Variants in LRP1B observed in about 807,000 individuals in gnomAD.
LRP1B encodes the protein low-density lipoprotein receptor-related protein 1B.
Under a neutral mutation model 556.6 loss-of-function variants are expected in LRP1B, and 217 were observed. The observed-to-expected ratio is 0.39, with a 90% CI of 0.35 to 0.44. LRP1B has a LOEUF of 0.44. LRP1B is among the 20% of genes least tolerant of loss of function. LRP1B has a pLI of 1.00. For missense variants in LRP1B, 5,053 were observed against 5,620.8 expected, an observed-to-expected ratio of 0.90 and a Z score of 3.23; for synonymous variants, 2,047 against 1,865.8, an observed-to-expected ratio of 1.10 and a Z score of -2.50.
At chr2:140,250,801 C>A (rs1048090859) in intron 86 of LRP1B, among the ~76,000 whole-genome samples, 2 of 151,664 alleles carry the variant, frequency 1.3e-5, no homozygotes, top group Admixed American at 6.6e-5. Context: ...AGTCACACTT[C>A]AAGAAATATT....
intron 1 of LRP1B, among the ~76,000 whole-genome samples, chr2:141,946,876 A>G (rs1164989718): frequency 6.6e-6 from 1 of 152,186 alleles, no homozygotes; most frequent in Non-Finnish European, 1.5e-5. Context: ...GATATGGTAA[A>G]AATTATAAGG....
At chr2:141,779,168 G>A (rs974524071) in intron 2 of LRP1B, among the ~76,000 whole-genome samples, 1 of 152,060 alleles carries the variant, frequency 6.6e-6, no homozygotes, top group Non-Finnish European at 1.5e-5. Context: ...TATTTATGTG[G>A]ATTAATTCCT....
chr2:141,011,903 T>G (rs972244443), intron 14 of LRP1B, among the ~76,000 whole-genome samples: 1 of 152,022 alleles, frequency 6.6e-6, no homozygotes, highest in East Asian at 1.9e-4. Flanking sequence ...TTATTTAAAA[T>G]GCCTATATGT....
At chr2:141,424,002 C>T (rs1322477763) in intron 3 of LRP1B, among the ~76,000 whole-genome samples, 1 of 151,800 alleles carries the variant, frequency 6.6e-6, no homozygotes, top group South Asian at 2.1e-4. Flanking sequence ...ACATATGATT[C>T]AGTTAAAAGA....
chr2:142,061,067 A>T (rs1704888652), intron 1 of LRP1B, among the ~76,000 whole-genome samples: 1 of 151,966 alleles, frequency 6.6e-6, no homozygotes, highest in Admixed American at 6.6e-5. Flanking sequence ...CATGAAACAG[A>T]TATGGAAAGA....
At chr2:140,712,005 C>T (rs191675972) in intron 37 of LRP1B, among the ~76,000 whole-genome samples, 54 of 152,236 alleles carry the variant, frequency 3.5e-4, no homozygotes, top group African/African-American at 1.3e-3. Flanking sequence ...TAATGGACAC[C>T]GTCTGTGCTC....
At chr2:141,865,966 G>A (rs1416861823) in intron 1 of LRP1B, among the ~76,000 whole-genome samples, 1 of 152,188 alleles carries the variant, frequency 6.6e-6, no homozygotes, top group Non-Finnish European at 1.5e-5. Flanking sequence ...AGGTGTAAAT[G>A]CAAAACTTTC....
Position 141,300,649 on chromosome 2 carries a change from C to T in LRP1B, c.344-46008G>A, listed in dbSNP as rs188301273. ...CTAAAGTAAGTTCTTATGAGATTTGCTTGTTTCAGAGTATGCAGCATTCCC... is the reference window on the plus strand; with the variant it reads ...CTAAAGTAAGTTCTTATGAGATTTGTTTGTTTCAGAGTATGCAGCATTCCC... On this transcript the variant is annotated intron_variant, in intron 3 of 90. Transcript: ENST00000389484. Among the ~76,000 whole-genome samples, 633 of 152,168 alleles carry T rather than the reference C, an allele frequency of 4.2e-3. 5 individuals carry two copies. Among genetic ancestry groups the T allele is most frequent in the African/African-American group, 0.014 (576 of 41,508 alleles).
chr2:140,545,075 T>C (rs1237412624), intron 43 of LRP1B, among the ~76,000 whole-genome samples: 3 of 152,166 alleles, frequency 2.0e-5, no homozygotes, highest in Non-Finnish European at 4.4e-5. Context: ...CATATGTTTT[T>C]TCACTGCATA....
At chr2:140,400,099 T>G (rs1265787224) in intron 66 of LRP1B, among the ~76,000 whole-genome samples, 1 of 152,182 alleles carries the variant, frequency 6.6e-6, no homozygotes, top group African/African-American at 2.4e-5. Context: ...GAAGACTTTT[T>G]CTGGTGTATG....
intron 83 of LRP1B, among the ~76,000 whole-genome samples, chr2:140,303,339 C>T (rs1205555791): frequency 2.6e-5 from 4 of 151,944 alleles, no homozygotes; most frequent in Non-Finnish European, 5.9e-5. Context: ...CCTCCGCCTC[C>T]CGGGTTCACG....
intron 2 of LRP1B, among the ~76,000 whole-genome samples, chr2:141,621,406 G>A (rs10496889): frequency 0.071 from 10,769 of 152,122 alleles, 464 homozygotes; most frequent in African/African-American, 0.12. Context: ...TACCAGAGAA[G>A]TAAAGTTAGA....
chr2:141,652,030 T>C (rs185593010), intron 2 of LRP1B, among the ~76,000 whole-genome samples: 112 of 152,328 alleles, frequency 7.4e-4, no homozygotes, highest in Admixed American at 2.3e-3. Context: ...CAAAGTTTTA[T>C]TCTCAATATA....
At chr2:141,577,374 CA>C (rs1686790476) in intron 2 of LRP1B, among the ~76,000 whole-genome samples, 1 of 152,174 alleles carries the variant, frequency 6.6e-6, no homozygotes, top group Non-Finnish European at 1.5e-5. Context: ...TGTATTAATT[CA>C]CTACTCTTCT....
chr2:141,277,665 C>CTTT (rs374385237), intron 3 of LRP1B, among the ~76,000 whole-genome samples: 7 of 138,262 alleles, frequency 5.1e-5, no homozygotes, highest in African/African-American at 1.1e-4. Flanking sequence ...GTTTTTCATC[C>CTTT]TTTTTTTTTT....
rs911577766 is a variant in LRP1B at position 141,814,337 on chromosome 2, C to T, written c.83-3936G>A. On this transcript the variant is annotated intron_variant, in intron 1 of 90. Transcript: ENST00000389484. ...TGTTCTTGGTTTGAAGGAGTTCTAC[C>T]GAGGACCTGCCCTAACTGCCTGACT... 1.6e-4 allele frequency among the ~76,000 whole-genome samples: 25 copies of T among 152,092 alleles called. 2 individuals carry two copies. Among genetic ancestry groups the T allele is most frequent in the South Asian group, 2.1e-4 (1 of 4,828 alleles).
intron 3 of LRP1B, among the ~76,000 whole-genome samples, chr2:141,285,848 C>T (rs1320093556): frequency 2.0e-5 from 3 of 148,204 alleles, no homozygotes; most frequent in Non-Finnish European, 3.0e-5. Flanking sequence ...GGGCGGATCA[C>T]GAGGTCAGGA....
At chr2:140,473,552 T>A (rs1476228300) in intron 60 of LRP1B, among the ~76,000 whole-genome samples, 1 of 151,916 alleles carries the variant, frequency 6.6e-6, no homozygotes, top group Admixed American at 6.6e-5. Flanking sequence ...AGTGACATGA[T>A]TTTTTAATAA....
intron 3 of LRP1B, among the ~76,000 whole-genome samples, chr2:141,363,758 T>A (rs72846085): frequency 6.6e-6 from 1 of 152,000 alleles, no homozygotes; most frequent in East Asian, 1.9e-4. Flanking sequence ...TCTACTTAAA[T>A]GCTGAAAAAA....
Sources: allele counts gnomAD v4.1 joint callset (sites outside exome capture counted in the v4.1 genomes callset), GRCh38; gene constraint gnomAD v4.1.1; transcripts MANE v1.5; gene names NCBI Gene and HGNC (gene_info 2026-07-23, HGNC 2026-07-21).